TBL1XR1: variants seen among roughly 807,000 people sequenced by gnomAD.
TBL1XR1 encodes TBL1X/Y related 1, also known as F-box-like/WD repeat-containing protein TBL1XR1.
TBL1XR1 carries 5 observed loss-of-function variants against 66.9 expected under a neutral mutation model. The observed-to-expected ratio is 0.07, with a 90% confidence interval of 0.04 to 0.16. TBL1XR1 has a LOEUF of 0.16. Among genes scored for constraint, TBL1XR1 ranks in the 10% least tolerant of loss-of-function variants. The pLI is 1.00. For missense variants in TBL1XR1, 238 were observed against 623.2 expected, an observed-to-expected ratio of 0.38 and a Z score of 6.58; for synonymous variants, 210 against 206.0, an observed-to-expected ratio of 1.02 and a Z score of -0.17.
chr3:177,149,028 G>C (rs1437001025), intron 1 of TBL1XR1, among the ~76,000 whole-genome samples: 1 of 149,150 alleles, frequency 6.7e-6, no homozygotes, highest in South Asian at 2.1e-4. Context: ...GAAAAGAAAA[G>C]AAAAAACTCC....
upstream of TBL1XR1, among the ~76,000 whole-genome samples, chr3:177,200,569 A>G (rs1737320193): frequency 6.6e-6 from 1 of 152,242 alleles, no homozygotes; most frequent in Non-Finnish European, 1.5e-5. Flanking sequence ...TGGGTGAGGA[A>G]AGGACAAAGA....
chr3:177,194,900 A>C (rs1432380170), intron 1 of TBL1XR1, among the ~76,000 whole-genome samples: 1 of 152,138 alleles, frequency 6.6e-6, no homozygotes, highest in African/African-American at 2.4e-5. Context: ...GCAAGGGGTC[A>C]CTCCATTTAC....
intron 1 of TBL1XR1, among the ~76,000 whole-genome samples, chr3:177,103,604 T>A (rs1724501469): frequency 6.6e-6 from 1 of 152,172 alleles, no homozygotes; most frequent in Non-Finnish European, 1.5e-5. Context: ...AAATACTACA[T>A]TGCAGTCTCT....
intron 1 of TBL1XR1, chr3:177,126,186 A>T (rs1486266459): frequency 2.0e-5 from 3 of 152,216 alleles, no homozygotes; most frequent in Non-Finnish European, 2.9e-5. Context: ...AAGACCTGTT[A>T]AAGCACAGGG....
intron 2 of TBL1XR1, among the ~76,000 whole-genome samples, chr3:177,074,415 C>A (rs2108578350): frequency 6.6e-6 from 1 of 152,314 alleles, no homozygotes; most frequent in Admixed American, 6.5e-5. Flanking sequence ...TCTTTACCAA[C>A]AGGAAGCCTA....
intron 1 of TBL1XR1, among the ~76,000 whole-genome samples, chr3:177,102,103 T>G: frequency 6.6e-6 from 1 of 152,216 alleles, no homozygotes; most frequent in East Asian, 1.9e-4. Flanking sequence ...TTTTCTAACT[T>G]TTCGGTCATC....
intron 2 of TBL1XR1, among the ~76,000 whole-genome samples, chr3:177,071,388 A>T (rs1719990360): frequency 6.6e-6 from 1 of 152,160 alleles, no homozygotes; most frequent in Admixed American, 6.5e-5. Flanking sequence ...TGTTTATGAA[A>T]CACTGTATTA....
In TBL1XR1 at chr3:177,079,672, TAAA is replaced by T. The variant is rs1222629183; in HGVS notation, c.-45-14653_-45-14651del. ...ACGTCAAGAAGAGGTAGCAGTAAAA[TAAA>T]AAAGTGTCACAAGTAATTGGGTCTA... is the stretch of plus-strand genomic sequence containing the variant. On this transcript the variant is annotated intron_variant, in intron 2 of 15. Coordinates refer to ENST00000457928, the MANE Select transcript of TBL1XR1 (RefSeq NM_024665.7). 4.0e-5 allele frequency: 6 copies of T among 151,488 alleles called. No individual in the cohort carries two copies. The East Asian group carries it at 5.8e-4, about 15-fold the overall frequency. 9.4% of individuals were successfully genotyped at this position (151,488 alleles called of 1,614,324 possible).
intron 2 of TBL1XR1, among the ~76,000 whole-genome samples, chr3:177,087,677 TTC>T (rs1455403348): frequency 6.7e-6 from 1 of 148,636 alleles, no homozygotes; most frequent in Non-Finnish European, 1.5e-5. Flanking sequence ...GCATGTTAAT[TTC>T]TGTCTCAAGC....
At chr3:177,095,596 C>T (rs751172755) in intron 2 of TBL1XR1, among the ~76,000 whole-genome samples, 46 of 151,740 alleles carry the variant, frequency 3.0e-4, no homozygotes, top group Non-Finnish European at 4.0e-4. Flanking sequence ...TCTCTTGCCT[C>T]AGCCTCCCAA....
At chr3:177,123,514 T>A (rs1411817636) in intron 1 of TBL1XR1, among the ~76,000 whole-genome samples, 4 of 152,072 alleles carry the variant, frequency 2.6e-5, no homozygotes, top group Non-Finnish European at 4.4e-5. Context: ...AAAAAGGTTT[T>A]CCTATTTAAA....
Position 177,072,995 on chromosome 3 carries a change from TG to T in TBL1XR1, c.-45-7974del, listed in dbSNP as rs199981146. Among the ~76,000 whole-genome samples, 794 of 151,922 alleles carry T rather than the reference TG, an allele frequency of 5.2e-3. 12 individuals are homozygous for T. The highest frequency in any genetic ancestry group is 0.019 in the African/African-American group (769 of 41,380). ...AGGAGAATCGCTTGAACCCAGGAGG[TG>T]GAGGTTGCAGTGAGCCAAGACAGGA... On this transcript the variant is annotated intron_variant, in intron 2 of 15. Coordinates refer to ENST00000457928, the MANE Select transcript of TBL1XR1 (RefSeq NM_024665.7).
intron 1 of TBL1XR1, among the ~76,000 whole-genome samples, chr3:177,157,172 GTACTCCAGCCTA>G: frequency 6.6e-6 from 1 of 152,076 alleles, no homozygotes; most frequent in East Asian, 1.9e-4. Flanking sequence ...TTGTGTCACT[GTACTCCAGCCTA>G]AGTAGCAGAA....
Position 177,033,130 on chromosome 3 carries a change from G to A in TBL1XR1, c.1257C>T (p.Ser419=), listed in dbSNP as rs2108408341. ...PNANLMLASA[S]FDSTVRLWDV... ...CCCATAACCTAACAGTAGAATCAAA[G>A]GATGCACTGAAAAAGGAAGGAAAGA... The change falls in exon 14 of 16, where the codon TCC becomes TCT. Residue 419 remains serine (S), a synonymous_variant. Coordinates refer to ENST00000457928, the MANE Select transcript of TBL1XR1 (RefSeq NM_024665.7). 1 of 1,527,038 alleles carries A rather than the reference G, an allele frequency of 6.5e-7. No individual in the cohort carries two copies. The allele number at this position is 1,527,038 out of a possible 1,614,324, so 94.6% of individuals were successfully genotyped here. A position where few individuals can be genotyped will look rare whatever the true frequency, so the allele number is the denominator to read the frequency against.
In TBL1XR1 at chr3:177,033,154, G is replaced by T. The variant is rs776417431; in HGVS notation, c.1251-18C>A. On this transcript the variant is annotated intron_variant, in intron 13 of 15. Transcript: ENST00000457928. ...AGGATGCACTGAAAAAGGAAGGAAA[G>T]AAAGTTAATTTATAAGTAAGGAAAT... 18 of 1,500,934 alleles carry T rather than the reference G, an allele frequency of 1.2e-5. No individual in the cohort carries two copies. Among genetic ancestry groups the T allele is most frequent in the Non-Finnish European group, 1.6e-5 (18 of 1,114,848 alleles). 93.0% of individuals were successfully genotyped at this position (1,500,934 alleles called of 1,614,324 possible).
chr3:177,053,398 A>T (rs1717373068), intron 4 of TBL1XR1, among the ~76,000 whole-genome samples: 1 of 152,226 alleles, frequency 6.6e-6, no homozygotes, highest in African/African-American at 2.4e-5. Context: ...GATAGGCAGT[A>T]CCATCCAGAG....
At chr3:177,133,079 A>G (rs1728490323) in intron 1 of TBL1XR1, among the ~76,000 whole-genome samples, 1 of 152,198 alleles carries the variant, frequency 6.6e-6, no homozygotes, top group Non-Finnish European at 1.5e-5. Context: ...ACCTGTCAGG[A>G]GTTTGAGACC....
chr3:177,200,468 T>C (rs1737318656), upstream of TBL1XR1, among the ~76,000 whole-genome samples: 1 of 152,190 alleles, frequency 6.6e-6, no homozygotes, highest in African/African-American at 2.4e-5. Flanking sequence ...TCAAAGGTCA[T>C]ATGTATTGTC....
chr3:177,140,761 C>A (rs1385575090), intron 1 of TBL1XR1, among the ~76,000 whole-genome samples: 1 of 152,096 alleles, frequency 6.6e-6, no homozygotes, highest in African/African-American at 2.4e-5. Context: ...AAATAATAGT[C>A]ATAACAGTAA....
Sources: gnomAD v4.1 joint callset for allele counts (sites outside exome capture counted in the v4.1 genomes callset) on GRCh38, gnomAD v4.1.1 for gene constraint, MANE v1.5 for transcripts, NCBI Gene and HGNC (gene_info 2026-07-23, HGNC 2026-07-21) for gene names.